BTBD7: variants seen among roughly 807,000 people sequenced by gnomAD.
The protein encoded by BTBD7 is BTB domain containing 7, also known as BTB/POZ domain-containing protein 7.
In BTBD7, 38 loss-of-function variants were observed where a neutral mutation model predicts 99.9. The observed-to-expected ratio is 0.38, with a 90% CI of 0.29 to 0.50. BTBD7 has a LOEUF of 0.50. Among genes scored for constraint, BTBD7 ranks in the 20% least tolerant of loss-of-function variants. The pLI is 0.93. For synonymous variants in BTBD7, 520 were observed against 511.4 expected, an observed-to-expected ratio of 1.02 and a Z score of -0.23; for missense variants, 1,170 against 1,394.6, an observed-to-expected ratio of 0.84 and a Z score of 2.57.
chr14:93,289,058 G>A (rs1254559921), intron 3 of BTBD7, among the ~76,000 whole-genome samples: 1 of 152,060 alleles, frequency 6.6e-6, no homozygotes, highest in Admixed American at 6.6e-5. Context: ...GGGGGCAGTA[G>A]CAGAGAGGCG....
At chr14:93,295,731 CTAAGG>C (rs1431412913) in intron 2 of BTBD7, among the ~76,000 whole-genome samples, 1 of 152,036 alleles carries the variant, frequency 6.6e-6, no homozygotes, top group Non-Finnish European at 1.5e-5. Context: ...GCTAGTTTGC[CTAAGG>C]TAATTGGCAA....
chr14:93,324,064 G>C (rs1044063000), intron 1 of BTBD7, among the ~76,000 whole-genome samples: 2 of 152,180 alleles, frequency 1.3e-5, no homozygotes, highest in African/African-American at 4.8e-5. Context: ...TATGACTATT[G>C]TGCAAAGTTC....
intron 3 of BTBD7, among the ~76,000 whole-genome samples, chr14:93,282,797 C>T (rs1377092575): frequency 6.6e-6 from 1 of 152,130 alleles, no homozygotes; most frequent in Non-Finnish European, 1.5e-5. Context: ...TCACCTGTAT[C>T]TTAGACTCCA....
chr14:93,270,328 T>A (rs2052587963), intron 3 of BTBD7, among the ~76,000 whole-genome samples: 3 of 152,150 alleles, frequency 2.0e-5, no homozygotes, highest in Middle Eastern at 6.8e-3. Context: ...ACTCCTGACC[T>A]CAGGTGATCC....
At chr14:93,276,414 A>T (rs2052656545) in intron 3 of BTBD7, among the ~76,000 whole-genome samples, 1 of 152,160 alleles carries the variant, frequency 6.6e-6, no homozygotes, top group Non-Finnish European at 1.5e-5. Flanking sequence ...AGGGCAACTG[A>T]GTGGCTGGGG....
chr14:93,317,149 C>T (rs1436023724), intron 1 of BTBD7, among the ~76,000 whole-genome samples: 1 of 151,928 alleles, frequency 6.6e-6, no homozygotes, highest in Non-Finnish European at 1.5e-5. Context: ...AAGATTACAG[C>T]CATGTGCCAC....
At chr14:93,245,161 C>CAA (rs11365837) in intron 10 of BTBD7, among the ~76,000 whole-genome samples, 2 of 130,030 alleles carry the variant, frequency 1.5e-5, no homozygotes. Context: ...GGCACCTGGC[C>CAA]AAAAAAAAAA....
In BTBD7 at chr14:93,295,504, C is replaced by T. The variant is rs567559715; in HGVS notation, c.82+466G>A. Among the ~76,000 whole-genome samples the T allele has an allele frequency of 8.7e-4, 133 of 152,188 alleles. 7 individuals carry two copies. The South Asian group carries it at 0.025, about 29-fold the overall frequency. On this transcript the variant is annotated intron_variant, in intron 2 of 10. Coordinates refer to ENST00000334746, the MANE Select transcript of BTBD7 (RefSeq NM_001002860.4). ...CTAAATTTTTTTAGAAAAAGTCTTT[C>T]GTTCCCTGGCTATCAAAGGACATTT... is the stretch of plus-strand genomic sequence containing the variant.
intron 3 of BTBD7, among the ~76,000 whole-genome samples, chr14:93,280,705 A>G (rs1350617161): frequency 6.6e-6 from 1 of 152,174 alleles, no homozygotes; most frequent in Non-Finnish European, 1.5e-5. Flanking sequence ...GTTAATTTAC[A>G]ATAGAGACCA....
chr14:93,316,111 C>T (rs1741789953), intron 1 of BTBD7, among the ~76,000 whole-genome samples: 6 of 151,810 alleles, frequency 4.0e-5, no homozygotes. Context: ...GCCACCATGC[C>T]CAGCTAATTT....
rs2052187638 is a variant in BTBD7, at chr14:93,238,675, G to A, written c.*3598C>T. 6.6e-6 allele frequency: 1 copy of A among 152,188 alleles called. No homozygotes were observed. Among genetic ancestry groups the A allele is most frequent in the Non-Finnish European group, 1.5e-5 (1 of 68,026 alleles). The allele number at this position is 152,188 out of a possible 1,614,324, so 9.4% of individuals were successfully genotyped here. Reference sequence around the variant, plus strand: ...TCCTAAAAGGCAAATTCAACATTATGAAAATATATATTTTGCCGGGTAGTT... The same window carrying A: ...TCCTAAAAGGCAAATTCAACATTATAAAAATATATATTTTGCCGGGTAGTT... On this transcript the variant is annotated 3_prime_UTR_variant, in exon 11 of 11. Coordinates refer to ENST00000334746, the MANE Select transcript of BTBD7 (RefSeq NM_001002860.4).
At chr14:93,262,076 C>T (rs1422922325) in intron 4 of BTBD7, among the ~76,000 whole-genome samples, 1 of 152,058 alleles carries the variant, frequency 6.6e-6, no homozygotes, top group African/African-American at 2.4e-5. Context: ...AGTGATTCTC[C>T]CCGCTTCAGC....
chr14:93,313,663 T>C (rs1454441637), intron 1 of BTBD7, among the ~76,000 whole-genome samples: 1 of 149,208 alleles, frequency 6.7e-6, no homozygotes, highest in African/African-American at 2.5e-5. Context: ...ATTTTTGACT[T>C]ATCCTAAAAT....
chr14:93,323,903 A>T (rs550011690), intron 1 of BTBD7, among the ~76,000 whole-genome samples: 1 of 152,216 alleles, frequency 6.6e-6, no homozygotes, highest in Non-Finnish European at 1.5e-5. Flanking sequence ...CACTTACTGA[A>T]TACCTATTAC....
At chr14:93,252,741 G>C (rs1011289818) in intron 7 of BTBD7, among the ~76,000 whole-genome samples, 1 of 151,944 alleles carries the variant, frequency 6.6e-6, no homozygotes, top group African/African-American at 2.4e-5. Flanking sequence ...TGTTTTGTCT[G>C]TTAAATTTAC....
At chr14:93,268,081 G>A (rs1021380763) in intron 3 of BTBD7, among the ~76,000 whole-genome samples, 6 of 152,102 alleles carry the variant, frequency 3.9e-5, no homozygotes, top group Admixed American at 1.3e-4. Flanking sequence ...CTCTACACCC[G>A]TCATACTGTG....
chr14:93,311,228 G>C (rs1221893405), intron 1 of BTBD7, among the ~76,000 whole-genome samples: 1 of 152,110 alleles, frequency 6.6e-6, no homozygotes, highest in Non-Finnish European at 1.5e-5. Flanking sequence ...TTGGACAGTA[G>C]AGCCTTATTC....
chr14:93,309,950 T>C (rs753355826), intron 1 of BTBD7, among the ~76,000 whole-genome samples: 1 of 147,168 alleles, frequency 6.8e-6, no homozygotes, highest in Non-Finnish European at 1.5e-5. Context: ...AACCAACATT[T>C]ACCAATTGGC....
chr14:93,290,757 C>A (rs1394894869), intron 3 of BTBD7, among the ~76,000 whole-genome samples: 1 of 151,896 alleles, frequency 6.6e-6, no homozygotes, highest in Non-Finnish European at 1.5e-5. Flanking sequence ...GTGGTGCGAT[C>A]TCAGCTCACT....
Sources: allele counts gnomAD v4.1 joint callset (sites outside exome capture counted in the v4.1 genomes callset), GRCh38; gene constraint gnomAD v4.1.1; transcripts MANE v1.5; gene names NCBI Gene and HGNC (gene_info 2026-07-23, HGNC 2026-07-21).